The following CEBPB variants were observed in gnomAD, a reference collection of about 807,000 sequenced individuals.
The protein encoded by CEBPB is CCAAT enhancer binding protein beta.
For missense variants in CEBPB, 498 were observed against 533.1 expected (o/e 0.93, Z 0.65); for synonymous variants, 295 against 267.1 (o/e 1.10, Z -1.02).
In CEBPB at chr20:50,192,103, G is replaced by A. The variant is rs775696986; in HGVS notation, c.*32G>A. On this transcript the variant is annotated 3_prime_UTR_variant, in exon 1 of 1. Transcript: ENST00000303004. ...CCCCGCGCGCGTCCCCCTGCCGGCC[G>A]GGGCTGAGACTCCGGGGAGCGCCCG... 2.0e-6 allele frequency: 3 copies of A among 1,472,480 alleles called. No homozygotes were observed. Among genetic ancestry groups the A allele is most frequent in the Admixed American group, 2.6e-5 (1 of 38,824 alleles). 91.2% of individuals were successfully genotyped at this position (1,472,480 alleles called of 1,614,324 possible).
In CEBPB at chr20:50,192,589, A is replaced by G. The variant is rs1324860208; in HGVS notation, c.*518A>G. 6.0e-6 allele frequency: 1 copy of G among 167,010 alleles called. No individual in the cohort carries two copies. Among genetic ancestry groups the G allele is most frequent in the African/African-American group, 2.4e-5 (1 of 41,448 alleles). 10.3% of individuals were successfully genotyped at this position (167,010 alleles called of 1,614,324 possible). On this transcript the variant is annotated 3_prime_UTR_variant, in exon 1 of 1. Transcript: ENST00000303004. ...AAATAATCTATTTCTATGAGAAAAG[A>G]GGCGTCTGTATATTTTGGGAATCTT...
rs1211918978 is a variant in CEBPB at position 50,191,348 on chromosome 20, CCCCGCG to C, written c.321_326del (p.Pro108_Ala109del). 5.5e-6 allele frequency: 8 copies of C among 1,452,958 alleles called. No homozygotes were observed. Among genetic ancestry groups the C allele is most frequent in the South Asian group, 1.3e-5 (1 of 77,126 alleles). The allele number at this position is 1,452,958 out of a possible 1,614,324, so 90.0% of individuals were successfully genotyped here. The stretch of plus-strand genomic sequence containing the variant: ...TCGAGGCGGCTCCGCCCGCGCCCGC[CCCCGCG>C]CCCGCCTCCTCCGGGCAGCACCACG... On this transcript the variant is annotated inframe_deletion, in exon 1 of 1. Transcript: ENST00000303004.
chr20:50,190,916 G>A lies in CEBPB; in HGVS notation c.-118G>A, dbSNP rs2081570530. ...CCCCTCACTAATAGCGGCCACCCCG[G>A]CAGCGGCGGCAGCAGCAGCAGCGAC... On this transcript the variant is annotated 5_prime_UTR_variant, in exon 1 of 1. Coordinates refer to ENST00000303004, the MANE Select transcript of CEBPB (RefSeq NM_005194.4). The A allele has an allele frequency of 1.6e-6, 2 of 1,281,474 alleles. No individual in the cohort carries two copies. Among genetic ancestry groups the A allele is most frequent in the East Asian group, 3.2e-5 (1 of 31,096 alleles). 79.4% of individuals were successfully genotyped at this position (1,281,474 alleles called of 1,614,324 possible). A position where few individuals can be genotyped will look rare whatever the true frequency, so the allele number is the denominator to read the frequency against.
Position 50,191,325 on chromosome 20 carries a change from G to C in CEBPB, c.292G>C (p.Glu98Gln), listed in dbSNP as rs1205138242. 1 of 1,437,992 alleles carries C rather than the reference G, an allele frequency of 7.0e-7. No homozygotes were observed. Among genetic ancestry groups the C allele is most frequent in the Non-Finnish European group, 9.2e-7 (1 of 1,089,016 alleles). The allele number at this position is 1,437,992 out of a possible 1,614,324, so 89.1% of individuals were successfully genotyped here. A position where few individuals can be genotyped will look rare whatever the true frequency, so the allele number is the denominator to read the frequency against. ...PAPATATDTF[E>Q]AAPPAPAPAP... ...GCCCGCCACGGCCACGGACACCTTCGAGGCGGCTCCGCCCGCGCCCGCCCC... is the reference window on the plus strand; with the variant it reads ...GCCCGCCACGGCCACGGACACCTTCCAGGCGGCTCCGCCCGCGCCCGCCCC... The change falls in exon 1 of 1, where the codon GAG (glutamate) becomes CAG (glutamine). Residue 98 changes from glutamate (E) to glutamine (Q), a missense_variant. Physicochemically the swap from Glu to Gln is conservative, Grantham distance 29 (BLOSUM62 2). Transcript: ENST00000303004.
Position 50,191,329 on chromosome 20 carries a change from C to A in CEBPB, c.296C>A (p.Ala99Glu). ...APATATDTFE[A>E]APPAPAPAPA... The stretch of plus-strand genomic sequence containing the variant: ...GCCACGGCCACGGACACCTTCGAGG[C>A]GGCTCCGCCCGCGCCCGCCCCCGCG... Residue 99 changes from alanine to glutamate, a missense_variant, in exon 1 of 1, where the codon GCG (alanine) becomes GAG (glutamate). Transcript: ENST00000303004. 2 of 1,440,470 alleles carry A rather than the reference C, an allele frequency of 1.4e-6. No homozygotes were observed. Among genetic ancestry groups the A allele is most frequent in the South Asian group, 1.3e-5 (1 of 75,938 alleles). 89.2% of individuals were successfully genotyped at this position (1,440,470 alleles called of 1,614,324 possible).
chr20:50,190,850 G>C lies in CEBPB; in HGVS notation c.-184G>C. 1.7e-6 allele frequency: 1 copy of C among 582,292 alleles called. No homozygotes were observed. Among genetic ancestry groups the C allele is most frequent in the Non-Finnish European group, 2.6e-6 (1 of 385,344 alleles). The allele number at this position is 582,292 out of a possible 1,614,324, so 36.1% of individuals were successfully genotyped here. ...ACTTTAGCGAGTCAGAGCCGCGCAC[G>C]GGACTGGGAAGGGGACCCACCCGAG... On this transcript the variant is annotated 5_prime_UTR_variant, in exon 1 of 1. Coordinates refer to ENST00000303004, the MANE Select transcript of CEBPB (RefSeq NM_005194.4).
chr20:50,191,774 C>T lies in CEBPB; in HGVS notation c.741C>T (p.Ala247=). The T allele has an allele frequency of 1.9e-6, 3 of 1,544,298 alleles. No individual in the cohort carries two copies. The highest frequency in any genetic ancestry group is 1.2e-5 in the South Asian group (1 of 83,498). Residue 247 remains alanine, a synonymous_variant, in exon 1 of 1, where the codon GCC becomes GCT. Transcript: ENST00000303004. ...SPADAKAPPT[A]CYAGAAPAPS... The stretch of plus-strand genomic sequence containing the variant: ...CTGACGCCAAGGCGCCCCCGACCGC[C>T]TGCTACGCGGGGGCCGCGCCGGCGC...
chr20:50,191,747 C>A lies in CEBPB; in HGVS notation c.714C>A (p.Pro238=). The change falls in exon 1 of 1, where the codon CCC becomes CCA. Residue 238 remains proline, a synonymous_variant. Transcript: ENST00000303004. Reference sequence around the variant, plus strand: ...CCAGCCCGCCCGGCACGCCGAGCCCCGCTGACGCCAAGGCGCCCCCGACCG... The same window carrying A: ...CCAGCCCGCCCGGCACGCCGAGCCCAGCTGACGCCAAGGCGCCCCCGACCG... The part of the protein sequence containing the change: ...SSSSPPGTPS[P]ADAKAPPTAC... 1 of 1,532,122 alleles carries A rather than the reference C, an allele frequency of 6.5e-7. No homozygotes were observed. The highest frequency in any genetic ancestry group is 1.4e-5 in the African/African-American group (1 of 71,124). The allele number at this position is 1,532,122 out of a possible 1,614,324, so 94.9% of individuals were successfully genotyped here. A position where few individuals can be genotyped will look rare whatever the true frequency, so the allele number is the denominator to read the frequency against.
rs751807082 is a variant in CEBPB, at chr20:50,191,464, G to A, written c.431G>A (p.Arg144His). 1 of 1,497,294 alleles carries A rather than the reference G, an allele frequency of 6.7e-7. No individual in the cohort carries two copies. Among genetic ancestry groups the A allele is most frequent in the Non-Finnish European group, 8.9e-7 (1 of 1,121,254 alleles). 92.8% of individuals were successfully genotyped at this position (1,497,294 alleles called of 1,614,324 possible). ...PAEYGYVSLG[R>H]LGAAKGALHP... ...GAGTACGGCTACGTGAGCCTGGGGC[G>A]CCTGGGGGCCGCCAAGGGCGCGCTG... Residue 144 changes from arginine to histidine, a missense_variant, in exon 1 of 1, where the codon CGC becomes CAC. By Grantham distance (29) the Arg-to-His change is conservative. Coordinates refer to ENST00000303004, the MANE Select transcript of CEBPB (RefSeq NM_005194.4).
downstream of CEBPB, chr20:50,192,670 A>G (rs1014922160): frequency 1.8e-5 from 3 of 166,722 alleles, no homozygotes; most frequent in Non-Finnish European, 4.4e-5. Flanking sequence ...GAATGGTTAC[A>G]AAGCCTTTTG....
In CEBPB at chr20:50,191,745, C is replaced by T. The variant is rs993194118; in HGVS notation, c.712C>T (p.Pro238Ser). Residue 238 changes from proline (P) to serine (S), a missense_variant, in exon 1 of 1, where the codon CCC becomes TCC. Pro to Ser is a moderately conservative substitution (Grantham distance 74). Coordinates refer to ENST00000303004, the MANE Select transcript of CEBPB (RefSeq NM_005194.4). ...GTCCAGCCCGCCCGGCACGCCGAGC[C>T]CCGCTGACGCCAAGGCGCCCCCGAC... Reference protein sequence around the residue: ...SSSSPPGTPSPADAKAPPTAC... With the variant: ...SSSSPPGTPSSADAKAPPTAC... 6.5e-7 allele frequency: 1 copy of T among 1,528,874 alleles called. No individual in the cohort carries two copies. Among genetic ancestry groups the T allele is most frequent in the African/African-American group, 1.4e-5 (1 of 70,814 alleles). The allele number at this position is 1,528,874 out of a possible 1,614,324, so 94.7% of individuals were successfully genotyped here. A position where few individuals can be genotyped will look rare whatever the true frequency, so the allele number is the denominator to read the frequency against.
chr20:50,191,177 G>A lies in CEBPB; in HGVS notation c.144G>A (p.Ala48=). ...ACGGCGGCAAGGCGGCCCCCGCGGC[G>A]CCCCCCGCGGCCAGACCCGGGCCGC... The part of the protein sequence containing the change: ...AAYGGKAAPA[A]PPAARPGPRP... Residue 48 remains alanine (A), a synonymous_variant, in exon 1 of 1, where the codon GCG becomes GCA. Transcript: ENST00000303004. 6.9e-7 allele frequency: 1 copy of A among 1,442,506 alleles called. No individual in the cohort carries two copies. The allele number at this position is 1,442,506 out of a possible 1,614,324, so 89.4% of individuals were successfully genotyped here.
Position 50,191,297 on chromosome 20 carries a change from G to A in CEBPB, c.264G>A (p.Pro88=), listed in dbSNP as rs1293298544. Residue 88 remains proline (P), a synonymous_variant, in exon 1 of 1, where the codon CCG becomes CCA. Transcript: ENST00000303004. ...YLEPLGAPQA[P]APATATDTFE... ...AGCCGCTGGGCGCGCCGCAGGCCCC[G>A]GCGCCCGCCACGGCCACGGACACCT... The A allele has an allele frequency of 1.5e-6, 2 of 1,322,764 alleles. No homozygotes were observed. The highest frequency in any genetic ancestry group is 1.9e-6 in the Non-Finnish European group (2 of 1,032,066). 81.9% of individuals were successfully genotyped at this position (1,322,764 alleles called of 1,614,324 possible).
chr20:50,191,419 A>T lies in CEBPB; in HGVS notation c.386A>T (p.Lys129Met). The stretch of plus-strand genomic sequence containing the variant: ...CTCTTCTCCGACGACTACGGGGGCA[A>T]GAACTGCAAGAAGCCGGCCGAGTAC... ...SDLFSDDYGG[K>M]NCKKPAEYGY... The change falls in exon 1 of 1, where the codon AAG (lysine) becomes ATG (methionine). Residue 129 changes from lysine (K) to methionine (M), a missense_variant. Physicochemically the swap from Lys to Met is moderately conservative, Grantham distance 95. Coordinates refer to ENST00000303004, the MANE Select transcript of CEBPB (RefSeq NM_005194.4). The T allele has an allele frequency of 6.6e-7, 1 of 1,522,752 alleles. No individual in the cohort carries two copies. Among genetic ancestry groups the T allele is most frequent in the Non-Finnish European group, 8.8e-7 (1 of 1,132,748 alleles). The allele number at this position is 1,522,752 out of a possible 1,614,324, so 94.3% of individuals were successfully genotyped here.
chr20:50,191,279 G>A lies in CEBPB; in HGVS notation c.246G>A (p.Leu82=). The change falls in exon 1 of 1, where the codon CTG becomes CTA. Residue 82 remains leucine (L), a synonymous_variant. Coordinates refer to ENST00000303004, the MANE Select transcript of CEBPB (RefSeq NM_005194.4). ...ACTTCAGCCCGTACCTGGAGCCGCTGGGCGCGCCGCAGGCCCCGGCGCCCG... is the reference window on the plus strand; with the variant it reads ...ACTTCAGCCCGTACCTGGAGCCGCTAGGCGCGCCGCAGGCCCCGGCGCCCG... The part of the protein sequence containing the change: ...AIDFSPYLEP[L]GAPQAPAPAT... 1 of 1,280,392 alleles carries A rather than the reference G, an allele frequency of 7.8e-7. No homozygotes were observed. The highest frequency in any genetic ancestry group is 9.9e-7 in the Non-Finnish European group (1 of 1,012,750). 79.3% of individuals were successfully genotyped at this position (1,280,392 alleles called of 1,614,324 possible).
At position 50,191,657 on chromosome 20, in the gene CEBPB, C is replaced by A; in HGVS notation, c.624C>A (p.Arg208=). 7.1e-7 allele frequency: 1 copy of A among 1,414,546 alleles called. No homozygotes were observed. The highest frequency in any genetic ancestry group is 9.1e-7 in the Non-Finnish European group (1 of 1,095,040). The allele number at this position is 1,414,546 out of a possible 1,614,324, so 87.6% of individuals were successfully genotyped here. Residue 208 remains arginine (R), a synonymous_variant, in exon 1 of 1, where the codon CGC becomes CGA. Coordinates refer to ENST00000303004, the MANE Select transcript of CEBPB (RefSeq NM_005194.4). ...GMAAGFPYAL[R]AYLGYQAVPS... ...CGGCGGGCTTCCCGTACGCGCTGCGCGCTTACCTCGGCTACCAGGCGGTGC... is the reference window on the plus strand; with the variant it reads ...CGGCGGGCTTCCCGTACGCGCTGCGAGCTTACCTCGGCTACCAGGCGGTGC...
rs1479961355 is a variant in CEBPB, at chr20:50,191,719, C to T, written c.686C>T (p.Ser229Leu). Residue 229 changes from serine (S) to leucine (L), a missense_variant, in exon 1 of 1, where the codon TCG becomes TTG. Physicochemically the swap from Ser to Leu is moderately radical, Grantham distance 145 (BLOSUM62 -2). Transcript: ENST00000303004. ...GSSGSLSTSSSSSPPGTPSPA... is the reference protein window; with the variant it reads ...GSSGSLSTSSLSSPPGTPSPA... The stretch of plus-strand genomic sequence containing the variant: ...AGCGGGAGCCTCTCCACGTCCTCCT[C>T]GTCCAGCCCGCCCGGCACGCCGAGC... 6.0e-6 allele frequency: 9 copies of T among 1,511,980 alleles called. No homozygotes were observed. The highest frequency in any genetic ancestry group is 7.9e-6 in the Non-Finnish European group (9 of 1,136,322). 93.7% of individuals were successfully genotyped at this position (1,511,980 alleles called of 1,614,324 possible).
In CEBPB at chr20:50,191,381, C is replaced by A; in HGVS notation, c.348C>A (p.Asp116Glu). The A allele has an allele frequency of 6.7e-7, 1 of 1,497,502 alleles. No individual in the cohort carries two copies. The highest frequency in any genetic ancestry group is 8.9e-7 in the Non-Finnish European group (1 of 1,119,058). The allele number at this position is 1,497,502 out of a possible 1,614,324, so 92.8% of individuals were successfully genotyped here. ...PAPASSGQHH[D>E]FLSDLFSDDY... Reference sequence around the variant, plus strand: ...CCGCCTCCTCCGGGCAGCACCACGACTTCCTCTCCGACCTCTTCTCCGACG... The same window carrying A: ...CCGCCTCCTCCGGGCAGCACCACGAATTCCTCTCCGACCTCTTCTCCGACG... Residue 116 changes from aspartate (D) to glutamate (E), a missense_variant, in exon 1 of 1, where the codon GAC becomes GAA. Transcript: ENST00000303004.
chr20:50,190,892 C>T lies in CEBPB; in HGVS notation c.-142C>T. On this transcript the variant is annotated 5_prime_UTR_variant, in exon 1 of 1. Transcript: ENST00000303004. Reference sequence around the variant, plus strand: ...CCACCCGAGGGTCCAGCCACCAGCCCCCTCACTAATAGCGGCCACCCCGGC... The same window carrying T: ...CCACCCGAGGGTCCAGCCACCAGCCTCCTCACTAATAGCGGCCACCCCGGC... The T allele has an allele frequency of 2.8e-6, 3 of 1,080,528 alleles. No individual in the cohort carries two copies. The highest frequency in any genetic ancestry group is 2.4e-6 in the Non-Finnish European group (2 of 824,264). 66.9% of individuals were successfully genotyped at this position (1,080,528 alleles called of 1,614,324 possible).
Sources: gnomAD v4.1 joint callset for allele counts on GRCh38, gnomAD v4.1.1 for gene constraint, MANE v1.5 for transcripts, NCBI Gene and HGNC (gene_info 2026-07-23, HGNC 2026-07-21) for gene names.